Variants in MAMDC4 observed in about 807,000 individuals in gnomAD.
MAMDC4 encodes apical endosomal glycoprotein.
Under a neutral mutation model 153.3 loss-of-function variants are expected in MAMDC4, and 168 were observed. That is an observed-to-expected ratio of 1.10 (90% CI 0.97 to 1.25). The LOEUF is 1.25. Ranked by LOEUF, MAMDC4 falls within the 50% of genes most tolerant of loss-of-function variation. MAMDC4 has a pLI of 0.00. For missense variants in MAMDC4, 1,701 were observed against 1,542.8 expected (o/e 1.10, Z -1.72); for synonymous variants, 744 against 651.5 (o/e 1.14, Z -2.16).
chr9:136,857,725 C>T lies in MAMDC4; in HGVS notation c.2393C>T (p.Ser798Phe), dbSNP rs758429815. ...LPRGQTASLT[S>F]KEHRPLAQPA... The stretch of plus-strand genomic sequence containing the variant: ...CGGGGCCAGACGGCCTCCCTGACCT[C>T]CAAGGAGCACAGGCCCCTGGCCCAG... Residue 798 changes from serine to phenylalanine, a missense_variant, in exon 19 of 27, where the codon TCC (serine) becomes TTC (phenylalanine). By Grantham distance (155) the Ser-to-Phe change is radical (BLOSUM62 -2). Coordinates refer to ENST00000317446, the MANE Select transcript of MAMDC4 (RefSeq NM_206920.3). The T allele has an allele frequency of 6.2e-7, 1 of 1,612,606 alleles. No homozygotes were observed. Among genetic ancestry groups the T allele is most frequent in the Non-Finnish European group, 8.5e-7 (1 of 1,179,860 alleles).
chr9:136,855,149 C>A (rs1481586772), intron 10 of MAMDC4, 39 bp downstream of exon 10: 1 of 1,567,062 alleles, frequency 6.4e-7, no homozygotes, highest in East Asian at 2.4e-5. Context: ...GGGAGCCGCA[C>A]TGTGGGCAGG....
chr9:136,858,532 T>C lies in MAMDC4; in HGVS notation c.2807T>C (p.Leu936Pro). The change falls in exon 22 of 27, where the codon CTG becomes CCG. Residue 936 changes from leucine to proline, a missense_variant. Transcript: ENST00000317446. ...CCCCAGCCCCCTGTGGACCACACCC[T>C]GGGCACAGAGGCAGGTACGTGCCCA... ...RYPQPPVDHT[L>P]GTEAGHFAFF... The C allele has an allele frequency of 6.3e-7, 1 of 1,586,442 alleles. No individual in the cohort carries two copies. The highest frequency in any genetic ancestry group is 8.6e-7 in the Non-Finnish European group (1 of 1,167,714).
Position 136,854,942 on chromosome 9 carries a change from C to A in MAMDC4, c.1029C>A (p.Val343=). 6.2e-7 allele frequency: 1 copy of A among 1,611,558 alleles called. No homozygotes were observed. Among genetic ancestry groups the A allele is most frequent in the Non-Finnish European group, 8.5e-7 (1 of 1,179,336 alleles). ...QASGTSNCSL[V]FYQYLSGSEA... ...GCCAGCTCTTGGTTCCACAGCTGGT[C>A]TTCTATCAGTACCTGAGTGGGTCTG... The change falls in exon 10 of 27, where the codon GTC becomes GTA. Residue 343 remains valine (V), a synonymous_variant. Coordinates refer to ENST00000317446, the MANE Select transcript of MAMDC4 (RefSeq NM_206920.3).
intron 14 of MAMDC4, 38 bp from the exon 15 acceptor site, chr9:136,856,672 G>A (rs1208916970): frequency 1.9e-6 from 3 of 1,592,038 alleles, no homozygotes; most frequent in Non-Finnish European, 2.6e-6. Flanking sequence ...GGAGGGGGAG[G>A]GGAGAAGGTG....
Position 136,854,972 on chromosome 9 carries a change from T to G in MAMDC4, c.1059T>G (p.Ala353=). The G allele has an allele frequency of 6.2e-7, 1 of 1,607,524 alleles. No individual in the cohort carries two copies. Among genetic ancestry groups the G allele is most frequent in the Non-Finnish European group, 8.5e-7 (1 of 1,177,684 alleles). Residue 353 remains alanine (A), a synonymous_variant, in exon 10 of 27, where the codon GCT becomes GCG. Coordinates refer to ENST00000317446, the MANE Select transcript of MAMDC4 (RefSeq NM_206920.3). ...ATCAGTACCTGAGTGGGTCTGAGGC[T>G]GGCTGCCTCCAGCTGTTCCTGCAGA... ...VFYQYLSGSE[A]GCLQLFLQTL...
intron 22 of MAMDC4, 80 bp from the exon 23 acceptor site, chr9:136,858,639 C>T: frequency 6.3e-7 from 1 of 1,596,296 alleles, no homozygotes; most frequent in Non-Finnish European, 8.5e-7. Context: ...CCAGAGGAGG[C>T]CCTGCTCACC....
In MAMDC4 at chr9:136,856,909, C is replaced by T. The variant is rs766368956; in HGVS notation, c.1840C>T (p.His614Tyr). ...GCACAGCCCCATGCCCCCTGCAGGCCACTTTGTGCTCCTGGACCCCACAGA... is the reference window on the plus strand; with the variant it reads ...GCACAGCCCCATGCCCCCTGCAGGCTACTTTGTGCTCCTGGACCCCACAGA... ...PDHDHTTGQG[H>Y]FVLLDPTDPL... Residue 614 changes from histidine to tyrosine, a missense_variant and splice_region_variant, in exon 16 of 27, where the codon CAC becomes TAC. Transcript: ENST00000317446. The T allele has an allele frequency of 6.2e-7, 1 of 1,609,134 alleles. No homozygotes were observed. The highest frequency in any genetic ancestry group is 1.7e-5 in the Admixed American group (1 of 59,876).
Position 136,854,591 on chromosome 9 carries a change from G to A in MAMDC4, c.849G>A (p.Ser283=), listed in dbSNP as rs532945849. The A allele has an allele frequency of 7.7e-5, 124 of 1,607,632 alleles. 4 individuals carry two copies. The South Asian group carries it at 1.2e-3, about 15-fold the overall frequency. The change falls in exon 8 of 27, where the codon TCG becomes TCA. Residue 283 remains serine, a synonymous_variant. Transcript: ENST00000317446. ...FETGLGPWNR[S]EGWSRNHRAG... ...CAGGCCTGGGCCCATGGAACCGCTCGGAAGGCTGGTCCCGGAACCACCGCG... is the reference window on the plus strand; with the variant it reads ...CAGGCCTGGGCCCATGGAACCGCTCAGAAGGCTGGTCCCGGAACCACCGCG...
At position 136,853,883 on chromosome 9, in the gene MAMDC4, A is replaced by G. The variant is rs1256076929; in HGVS notation, c.561A>G (p.Thr187=). ...GCTGGCAGGAGTTGGCAGTGACCACAGGCCGCATCCGGGGTGACTTCCGAG... is the reference window on the plus strand; with the variant it reads ...GCTGGCAGGAGTTGGCAGTGACCACGGGCCGCATCCGGGGTGACTTCCGAG... ...GPGWQELAVT[T]GRIRGDFRVT... Residue 187 remains threonine (T), a synonymous_variant, in exon 5 of 27, where the codon ACA becomes ACG. Transcript: ENST00000317446. 2 of 1,612,572 alleles carry G rather than the reference A, an allele frequency of 1.2e-6. No homozygotes were observed. The highest frequency in any genetic ancestry group is 1.7e-6 in the Non-Finnish European group (2 of 1,179,828).
At chr9:136,856,255 A>G in intron 14 of MAMDC4, 106 bp downstream of exon 14, 3 of 1,569,552 alleles carry the variant, frequency 1.9e-6, no homozygotes, top group Non-Finnish European at 2.6e-6. Context: ...CCCGCTGGCC[A>G]GGCTTCCTGG....
Position 136,854,780 on chromosome 9 carries a change from T to C in MAMDC4, c.953T>C (p.Val318Ala), listed in dbSNP as rs780178024. ...CCCGCAGGCTCCTTCCTGGTCTCCG[T>C]GGCCGAGCCTGGCACCCCTGCTATA... ...NSAQGSFLVS[V>A]AEPGTPAILS... The change falls in exon 9 of 27, where the codon GTG becomes GCG. Residue 318 changes from valine (V) to alanine (A), a missense_variant. Transcript: ENST00000317446. 5.0e-6 allele frequency: 8 copies of C among 1,612,756 alleles called. No individual in the cohort carries two copies. In the East Asian group the frequency reaches 1.8e-4, roughly 36 times the overall value.
chr9:136,857,987 C>A lies in MAMDC4; in HGVS notation c.2473C>A (p.Arg825=). Residue 825 remains arginine, a synonymous_variant, in exon 20 of 27, where the codon CGG becomes AGG. Coordinates refer to ENST00000317446, the MANE Select transcript of MAMDC4 (RefSeq NM_206920.3). ...GCCGCCCCTGCTGGCAGGCACCCTG[C>A]GGGTCTACCTGGAGGAGCGCGGGAG... is the stretch of plus-strand genomic sequence containing the variant. The part of the protein sequence containing the change: ...HGSLRSPGTL[R]VYLEERGRHQ... The A allele has an allele frequency of 6.6e-7, 1 of 1,511,254 alleles. No individual in the cohort carries two copies. The highest frequency in any genetic ancestry group is 1.2e-5 in the South Asian group (1 of 82,058). 93.6% of individuals were successfully genotyped at this position (1,511,254 alleles called of 1,614,324 possible).
intron 14 of MAMDC4, chr9:136,856,362 C>A: frequency 1.1e-6 from 1 of 919,710 alleles, no homozygotes; most frequent in Non-Finnish European, 1.8e-6. Flanking sequence ...CTTCTAGGGG[C>A]CCGCCGCCGG....
In MAMDC4 at chr9:136,856,894, A is replaced by G. The variant is rs187615524; in HGVS notation, c.1838-13A>G. 302 of 1,610,272 alleles carry G rather than the reference A, an allele frequency of 1.9e-4. 1 individual carries two copies. The highest frequency in any genetic ancestry group is 2.4e-4 in the Non-Finnish European group (285 of 1,178,018). ...TGGGGCATCTCTGCAGCACAGCCCC[A>G]TGCCCCCTGCAGGCCACTTTGTGCT... is the stretch of plus-strand genomic sequence containing the variant. On this transcript the variant is annotated splice_polypyrimidine_tract_variant and intron_variant, in intron 15 of 26. Transcript: ENST00000317446.
intron 20 of MAMDC4, 33 bp downstream of exon 20, chr9:136,858,130 C>T: frequency 6.5e-7 from 1 of 1,535,318 alleles, no homozygotes; most frequent in Non-Finnish European, 8.8e-7. Context: ...CTCCCCCTCC[C>T]CCTCCCCCGA....
In MAMDC4 at chr9:136,853,677, C is replaced by A. The variant is rs745453446; in HGVS notation, c.454+7C>A. On this transcript the variant is annotated splice_region_variant and intron_variant, in intron 4 of 26. Coordinates refer to ENST00000317446, the MANE Select transcript of MAMDC4 (RefSeq NM_206920.3). The stretch of plus-strand genomic sequence containing the variant: ...TACCACGCGGCCTCTGGAGGTGCAC[C>A]CTGGACCCCCAAGGCTCGTGGGGGG... The A allele has an allele frequency of 8.1e-6, 13 of 1,609,870 alleles. No homozygotes were observed. The South Asian group carries it at 1.1e-4, about 14-fold the overall frequency.
At position 136,859,944 on chromosome 9, in the gene MAMDC4, C is replaced by T. The variant is rs774477180; in HGVS notation, c.3252C>T (p.Leu1084=). The change falls in exon 26 of 27, where the codon CTC becomes CTT. Residue 1084 remains leucine, a synonymous_variant. Coordinates refer to ENST00000317446, the MANE Select transcript of MAMDC4 (RefSeq NM_206920.3). ...TGGTTGGCAGTGCCCTCCTATTGCT[C>T]ATGCTCCTGGTGCTGCTGGGACTTG... ...PAVVGSALLL[L]MLLVLLGLGG... 2 of 1,613,062 alleles carry T rather than the reference C, an allele frequency of 1.2e-6. No individual in the cohort carries two copies. The highest frequency in any genetic ancestry group is 2.7e-5 in the African/African-American group (2 of 75,060).
intron 26 of MAMDC4, 105 bp downstream of exon 26, chr9:136,860,169 G>A: frequency 7.7e-7 from 1 of 1,294,884 alleles, no homozygotes; most frequent in East Asian, 2.5e-5. Context: ...GCCCCCACCT[G>A]TGCAAGGCCC....
chr9:136,859,868 T>C lies in MAMDC4; in HGVS notation c.3194-18T>C. ...TGGGGGCTGCTTTGGAGGGCTCACA[T>C]GTCCCTATGGCCCACAGGGAACACA... On this transcript the variant is annotated intron_variant, in intron 25 of 26. Coordinates refer to ENST00000317446, the MANE Select transcript of MAMDC4 (RefSeq NM_206920.3). 6.2e-7 allele frequency: 1 copy of C among 1,610,750 alleles called. No homozygotes were observed. The highest frequency in any genetic ancestry group is 8.5e-7 in the Non-Finnish European group (1 of 1,179,694).
Sources: gnomAD v4.1 joint callset for allele counts on GRCh38, gnomAD v4.1.1 for gene constraint, MANE v1.5 for transcripts, NCBI Gene and HGNC (gene_info 2026-07-23, HGNC 2026-07-21) for gene names.